The following R3HDM1 variants were observed in gnomAD, a reference collection of about 807,000 sequenced individuals.
R3HDM1 encodes the protein R3H domain-containing protein 1.
In R3HDM1, 46 loss-of-function variants were observed where a neutral mutation model predicts 141.1. That is an observed-to-expected ratio of 0.33 (90% CI 0.26 to 0.42). The LOEUF is 0.42. Ranked by LOEUF, R3HDM1 falls within the 10% of genes least tolerant of loss-of-function variation. The pLI is 1.00. For missense variants in R3HDM1, 1,184 were observed against 1,368.3 expected (o/e 0.87, Z 2.12); for synonymous variants, 435 against 472.9 (o/e 0.92, Z 1.04).
At chr2:135,565,881 A>T (rs1403504383) in intron 1 of R3HDM1, 2 of 152,554 alleles carry the variant, frequency 1.3e-5, no homozygotes, top group Non-Finnish European at 2.9e-5. Flanking sequence ...AGAAAGTGGG[A>T]CCGGGGAGCC....
rs139842391 is a variant in R3HDM1, at chr2:135,562,188, G to A, written c.-250+30555G>A. On this transcript the variant is annotated intron_variant, in intron 1 of 26. Transcript: ENST00000683871. ...AATTTTCTTTCTCTATCTTCACAGC[G>A]GTGACTAATAGCTGTTCGTAGGAAT... 4.6e-5 allele frequency among the ~76,000 whole-genome samples: 7 copies of A among 152,220 alleles called. No homozygotes were observed. In the East Asian group the frequency reaches 1.2e-3, roughly 25 times the overall value.
intron 1 of R3HDM1, among the ~76,000 whole-genome samples, chr2:135,570,021 C>T (rs1014808104): frequency 3.9e-5 from 6 of 152,114 alleles, no homozygotes; most frequent in African/African-American, 1.2e-4. Context: ...CCACCATGCC[C>T]GGCCAGTAAG....
At chr2:135,585,403 G>T (rs1197583713) in intron 1 of R3HDM1, among the ~76,000 whole-genome samples, 1 of 152,164 alleles carries the variant, frequency 6.6e-6, no homozygotes, top group Non-Finnish European at 1.5e-5. Context: ...TTTCTGGTTG[G>T]TGTACAGATC....
At chr2:135,593,939 C>CA (rs1014591916) in intron 1 of R3HDM1, among the ~76,000 whole-genome samples, 8 of 152,130 alleles carry the variant, frequency 5.3e-5, no homozygotes, top group African/African-American at 1.9e-4. Flanking sequence ...AGGCTGGTCT[C>CA]AATCTTCTGA....
intron 1 of R3HDM1, among the ~76,000 whole-genome samples, chr2:135,554,980 T>A (rs758221569): frequency 6.6e-6 from 1 of 152,262 alleles, no homozygotes; most frequent in East Asian, 1.9e-4. Context: ...TGACACACAC[T>A]CCTGCTGTGA....
intron 7 of R3HDM1, among the ~76,000 whole-genome samples, chr2:135,623,517 C>T (rs1465678859): frequency 1.3e-5 from 2 of 152,172 alleles, no homozygotes; most frequent in African/African-American, 4.8e-5. Context: ...GTATTCAGTA[C>T]TATCTTGATT....
chr2:135,722,338 C>A lies in R3HDM1; in HGVS notation c.2965-131C>A. The A allele has an allele frequency of 4.5e-6, 4 of 881,088 alleles. No individual in the cohort carries two copies. In the South Asian group the frequency reaches 6.7e-5, roughly 15 times the overall value. The allele number at this position is 881,088 out of a possible 1,614,324, so 54.6% of individuals were successfully genotyped here. A position where few individuals can be genotyped will look rare whatever the true frequency, so the allele number is the denominator to read the frequency against. ...ACTGCCACAGGCAGAATCCAGAAGGCCTGGGACTGATTTTCTTCTGCCAGA... is the reference window on the plus strand; with the variant it reads ...ACTGCCACAGGCAGAATCCAGAAGGACTGGGACTGATTTTCTTCTGCCAGA... On this transcript the variant is annotated intron_variant, in intron 25 of 26. Coordinates refer to ENST00000683871, the MANE Select transcript of R3HDM1 (RefSeq NM_001378107.1).
At chr2:135,662,035 T>C (rs925277354) in intron 19 of R3HDM1, among the ~76,000 whole-genome samples, 2 of 152,264 alleles carry the variant, frequency 1.3e-5, no homozygotes, top group African/African-American at 4.8e-5. Context: ...TTGATCTCAG[T>C]GTATAAAACT....
At chr2:135,637,483 C>G (rs1364750299) in intron 11 of R3HDM1, among the ~76,000 whole-genome samples, 6 of 152,096 alleles carry the variant, frequency 3.9e-5, no homozygotes, top group African/African-American at 1.2e-4. Context: ...TGGCAAAACC[C>G]CATCTCTACA....
chr2:135,678,900 C>T (rs1162797078), intron 20 of R3HDM1, among the ~76,000 whole-genome samples: 1 of 151,170 alleles, frequency 6.6e-6, no homozygotes, highest in Non-Finnish European at 1.5e-5. Context: ...ACTGGGACTA[C>T]AGGCACGCGC....
intron 23 of R3HDM1, among the ~76,000 whole-genome samples, chr2:135,712,425 C>T (rs544045252): frequency 5.9e-4 from 78 of 131,590 alleles, no homozygotes; most frequent in African/African-American, 2.3e-3. Context: ...CCATGCCCAA[C>T]TAATTTTTTT....
intron 7 of R3HDM1, among the ~76,000 whole-genome samples, chr2:135,624,393 C>T (rs1446639999): frequency 1.6e-5 from 1 of 61,798 alleles, no homozygotes; most frequent in Non-Finnish European, 3.5e-5. Flanking sequence ...GACTCCGTCT[C>T]AAAAAAAAAA....
chr2:135,684,154 G>C (rs899394985), intron 21 of R3HDM1, among the ~76,000 whole-genome samples: 4 of 151,998 alleles, frequency 2.6e-5, no homozygotes, highest in African/African-American at 9.7e-5. Context: ...GCAGTGGCAC[G>C]AACTCAGCTC....
chr2:135,532,354 G>C (rs995773814), intron 1 of R3HDM1, among the ~76,000 whole-genome samples: 1 of 152,220 alleles, frequency 6.6e-6, no homozygotes, highest in Non-Finnish European at 1.5e-5. Flanking sequence ...GGGCTTTGAA[G>C]TTTTTTGGTG....
At chr2:135,542,116 G>A (rs1476704379) in intron 1 of R3HDM1, among the ~76,000 whole-genome samples, 1 of 152,144 alleles carries the variant, frequency 6.6e-6, no homozygotes, top group African/African-American at 2.4e-5. Flanking sequence ...AGTTTTGACT[G>A]CAACTCATCA....
chr2:135,577,089 A>C (rs373814368), intron 1 of R3HDM1: 749 of 948,394 alleles, frequency 7.9e-4, no homozygotes, highest in Admixed American at 2.0e-3. Flanking sequence ...AAATGTTTAA[A>C]GAGAGAGAAA....
At chr2:135,543,048 A>G in intron 1 of R3HDM1, 1 of 976,782 alleles carries the variant, frequency 1.0e-6, no homozygotes, top group Non-Finnish European at 1.2e-6. Context: ...TAAATGTTTT[A>G]AAGCAATGGG....
intron 19 of R3HDM1, among the ~76,000 whole-genome samples, chr2:135,668,568 C>A (rs1484925962): frequency 6.6e-6 from 1 of 152,176 alleles, no homozygotes; most frequent in African/African-American, 2.4e-5. Flanking sequence ...GTTCTTCAGA[C>A]CCTGATGGCT....
chr2:135,649,839 T>C (rs2064948247), intron 16 of R3HDM1, 63 bp from the exon 17 acceptor site: 10 of 997,236 alleles, frequency 1.0e-5, no homozygotes, highest in Non-Finnish European at 1.3e-5. Context: ...ATTTCCGTTT[T>C]ATGCAATTCT....
Sources: gnomAD v4.1 joint callset for allele counts (sites outside exome capture counted in the v4.1 genomes callset) on GRCh38, gnomAD v4.1.1 for gene constraint, MANE v1.5 for transcripts, NCBI Gene and HGNC (gene_info 2026-07-23, HGNC 2026-07-21) for gene names.